SUGCT: variants seen among roughly 807,000 people sequenced by gnomAD.
SUGCT encodes succinyl-CoA:glutarate-CoA transferase.
A neutral mutation model predicts 55.0 loss-of-function variants in SUGCT; 41 were observed. The ratio of observed to expected loss-of-function variants is 0.74; its 90% confidence interval spans 0.58 to 0.97. The LOEUF is 0.97. Among genes scored for constraint, SUGCT ranks in the 50% least tolerant of loss-of-function variants. The pLI is 0.00. For missense variants in SUGCT, 568 were observed against 547.8 expected, an observed-to-expected ratio of 1.04 and a Z score of -0.37; for synonymous variants, 187 against 200.4, an observed-to-expected ratio of 0.93 and a Z score of 0.56.
intron 12 of SUGCT, among the ~76,000 whole-genome samples, chr7:40,611,870 C>T (rs1407740534): frequency 2.6e-5 from 4 of 152,150 alleles, no homozygotes; most frequent in Non-Finnish European, 5.9e-5. Flanking sequence ...TTGAGTAGAA[C>T]AGCTGATATG....
At chr7:40,281,872 A>G (rs1390530277) in intron 8 of SUGCT, among the ~76,000 whole-genome samples, 1 of 152,106 alleles carries the variant, frequency 6.6e-6, no homozygotes, top group African/African-American at 2.4e-5. Context: ...CAGGCTGTCC[A>G]GTTTAGCAGC....
intron 9 of SUGCT, among the ~76,000 whole-genome samples, chr7:40,412,046 T>C (rs1402276995): frequency 6.6e-6 from 1 of 152,194 alleles, no homozygotes; most frequent in Non-Finnish European, 1.5e-5. Context: ...GTTTAAGCAC[T>C]CAAATGTTCT....
chr7:40,578,565 C>A (rs1796903490), intron 12 of SUGCT, among the ~76,000 whole-genome samples: 1 of 152,102 alleles, frequency 6.6e-6, no homozygotes, highest in Non-Finnish European at 1.5e-5. Context: ...TTTTCCTCTT[C>A]AGTGGTTCTG....
At chr7:41,016,741 A>G in the SUGCT span, among the ~76,000 whole-genome samples, 4 of 152,044 alleles carry the variant, frequency 2.6e-5, no homozygotes, top group Admixed American at 1.3e-4. Flanking sequence ...CCCTCATTTC[A>G]TTGTTCTCCT....
chr7:40,542,336 C>A (rs1026792723), intron 12 of SUGCT, among the ~76,000 whole-genome samples: 2 of 152,130 alleles, frequency 1.3e-5, no homozygotes, highest in African/African-American at 2.4e-5. Context: ...CCTGCAAATC[C>A]TAGAGTCATG....
chr7:40,232,067 C>T (rs1788754153), intron 6 of SUGCT, among the ~76,000 whole-genome samples: 1 of 152,178 alleles, frequency 6.6e-6, no homozygotes, highest in African/African-American at 2.4e-5. Context: ...CACCACTACC[C>T]TCCAGCCTGG....
At chr7:40,712,193 A>C (rs1452494451) in intron 12 of SUGCT, among the ~76,000 whole-genome samples, 2 of 152,194 alleles carry the variant, frequency 1.3e-5, no homozygotes, top group East Asian at 3.8e-4. Context: ...AATTATTTGT[A>C]TGGATTACTA....
At chr7:40,656,222 T>G (rs1349731236) in intron 12 of SUGCT, among the ~76,000 whole-genome samples, 2 of 149,284 alleles carry the variant, frequency 1.3e-5, no homozygotes, top group South Asian at 4.2e-4. Context: ...AAATCATGCT[T>G]ATTATCATAG....
At chr7:40,976,686 A>C in the SUGCT span, among the ~76,000 whole-genome samples, 1 of 152,160 alleles carries the variant, frequency 6.6e-6, no homozygotes, top group Non-Finnish European at 1.5e-5. Flanking sequence ...GGAGGATGGA[A>C]TATGTCTTCT....
chr7:40,882,315 G>A, the SUGCT span, among the ~76,000 whole-genome samples: 1 of 152,220 alleles, frequency 6.6e-6, no homozygotes, highest in Non-Finnish European at 1.5e-5. Flanking sequence ...CAGTTGTTCT[G>A]TGGAGCATGG....
intron 9 of SUGCT, among the ~76,000 whole-genome samples, chr7:40,382,319 A>G (rs1365668867): frequency 6.6e-6 from 1 of 152,122 alleles, no homozygotes; most frequent in Non-Finnish European, 1.5e-5. Flanking sequence ...ACATTTATAC[A>G]TGTGACTAAA....
At chr7:40,679,652 G>A (rs1231002542) in intron 12 of SUGCT, among the ~76,000 whole-genome samples, 1 of 152,148 alleles carries the variant, frequency 6.6e-6, no homozygotes, top group Non-Finnish European at 1.5e-5. Context: ...ATAGAAGAGA[G>A]CTAGTTGATA....
chr7:41,032,333 A>G, the SUGCT span, among the ~76,000 whole-genome samples: 8 of 149,994 alleles, frequency 5.3e-5, no homozygotes, highest in Non-Finnish European at 1.0e-4. Flanking sequence ...TACATTTCTC[A>G]TGTTTTTTTT....
At chr7:40,138,500 G>A (rs576387835) in intron 1 of SUGCT, among the ~76,000 whole-genome samples, 1 of 152,170 alleles carries the variant, frequency 6.6e-6, no homozygotes, top group African/African-American at 2.4e-5. Context: ...CTTTTCCTTT[G>A]GGTAGATGCA....
chr7:40,762,824 T>TA (rs1387294001), intron 13 of SUGCT, among the ~76,000 whole-genome samples: 3 of 151,994 alleles, frequency 2.0e-5, no homozygotes, highest in East Asian at 3.9e-4. Flanking sequence ...TTTTTTTTTT[T>TA]TGAGACGGAA....
chr7:40,848,025 A>G (rs1183895224), intron 13 of SUGCT, among the ~76,000 whole-genome samples: 4 of 152,318 alleles, frequency 2.6e-5, no homozygotes, highest in African/African-American at 9.6e-5. Flanking sequence ...CTGGCCTCCC[A>G]GAAACAAGGG....
At chr7:40,798,466 G>A (rs552953015) in intron 13 of SUGCT, among the ~76,000 whole-genome samples, 2 of 152,258 alleles carry the variant, frequency 1.3e-5, no homozygotes. Context: ...TCAATATATT[G>A]AGAAATTTTT....
intron 12 of SUGCT, among the ~76,000 whole-genome samples, chr7:40,629,176 C>T (rs900980694): frequency 5.3e-5 from 8 of 152,118 alleles, no homozygotes; most frequent in Non-Finnish European, 7.3e-5. Context: ...ATCTTTCAAA[C>T]AGCTACATAC....
intron 12 of SUGCT, among the ~76,000 whole-genome samples, chr7:40,687,946 G>C (rs1784537914): frequency 6.6e-6 from 1 of 152,052 alleles, no homozygotes; most frequent in Non-Finnish European, 1.5e-5. Flanking sequence ...GTGTGTATTT[G>C]GAATTACAGG....
Sources: allele counts gnomAD v4.1 joint callset (sites outside exome capture counted in the v4.1 genomes callset), GRCh38; gene constraint gnomAD v4.1.1; transcripts MANE v1.5; gene names NCBI Gene and HGNC (gene_info 2026-07-23, HGNC 2026-07-21).